GIP: variants seen among roughly 807,000 people sequenced by gnomAD.
GIP encodes the protein gastric inhibitory polypeptide.
A neutral mutation model predicts 18.1 loss-of-function variants in GIP; 16 were observed. The observed-to-expected ratio is 0.88, with a 90% confidence interval of 0.60 to 1.34. The LOEUF (loss-of-function observed/expected upper bound fraction) is 1.34, where lower values mean the gene tolerates loss of function less well. Among genes scored for constraint, GIP ranks in the 40% most tolerant of loss-of-function variants. The pLI, the probability that GIP is intolerant of heterozygous loss-of-function variation, is 0.00. For missense variants in GIP, 192 were observed against 183.4 expected, an observed-to-expected ratio of 1.05 and a Z score of -0.27; for synonymous variants, 76 against 74.0, an observed-to-expected ratio of 1.03 and a Z score of -0.14.
chr17:48,965,783 A>G (rs1396820016), intron 2 of GIP, among the ~76,000 whole-genome samples: 1 of 152,134 alleles, frequency 6.6e-6, no homozygotes, highest in African/African-American at 2.4e-5. Context: ...CCTTGAATCC[A>G]TAAAATAATT....
intron 3 of GIP, among the ~76,000 whole-genome samples, chr17:48,962,020 T>A (rs1211112986): frequency 1.3e-5 from 2 of 152,234 alleles, no homozygotes; most frequent in Non-Finnish European, 2.9e-5. Flanking sequence ...GGAAAGAGAC[T>A]TGGCATAGAG....
At chr17:48,962,887 G>A (rs927863059) in intron 3 of GIP, among the ~76,000 whole-genome samples, 2 of 148,930 alleles carry the variant, frequency 1.3e-5, no homozygotes, top group East Asian at 2.1e-4. Context: ...GGCAGATCAC[G>A]AGGTCAGGAG....
chr17:48,961,003 C>A lies in GIP; in HGVS notation c.351-16G>T. On this transcript the variant is annotated splice_polypyrimidine_tract_variant and intron_variant, in intron 4 of 5. Transcript: ENST00000357424. ...GGCTGGGGAGCTGCAAGGGAACAGTCTCTGGCTAACTATTTTAGCCTGAGC... is the reference window on the plus strand; with the variant it reads ...GGCTGGGGAGCTGCAAGGGAACAGTATCTGGCTAACTATTTTAGCCTGAGC... 6.4e-7 allele frequency: 1 copy of A among 1,568,178 alleles called. No homozygotes were observed. The highest frequency in any genetic ancestry group is 2.3e-5 in the East Asian group (1 of 44,396).
intron 3 of GIP, among the ~76,000 whole-genome samples, chr17:48,962,947 A>G (rs1050144033): frequency 6.6e-6 from 1 of 151,682 alleles, no homozygotes; most frequent in African/African-American, 2.4e-5. Flanking sequence ...TACTAAAAAA[A>G]TGCAAAAAAA....
At chr17:48,963,841 C>CAAAAAAAA (rs60257330) in intron 3 of GIP, among the ~76,000 whole-genome samples, 724 of 35,816 alleles carry the variant, frequency 0.02, 160 homozygotes, top group African/African-American at 0.056. Context: ...AACTCTGTCT[C>CAAAAAAAA]AAAAAAAAAA....
At chr17:48,966,437 TC>T (rs2041236499) in intron 2 of GIP, among the ~76,000 whole-genome samples, 1 of 150,490 alleles carries the variant, frequency 6.6e-6, no homozygotes, top group Non-Finnish European at 1.5e-5. Context: ...GCACCTGTAA[TC>T]CCAGCTACTC....
intron 4 of GIP, 45 bp downstream of exon 4, chr17:48,961,682 G>A (rs748967427): frequency 9.0e-6 from 11 of 1,219,386 alleles, no homozygotes; most frequent in Non-Finnish European, 1.3e-5. Context: ...GTGGGGGCGG[G>A]GCAGGAGGCT....
chr17:48,960,969 G>T lies in GIP; in HGVS notation c.369C>A (p.Pro123=), dbSNP rs778456670. The T allele has an allele frequency of 1.9e-6, 3 of 1,608,106 alleles. No homozygotes were observed. Among genetic ancestry groups the T allele is most frequent in the African/African-American group, 1.3e-5 (1 of 74,882 alleles). Reference sequence around the variant, plus strand: ...AGTCCCGCAGCAAATCTTCATCGCTGGGGTTCTTGGCTGGGGAGCTGCAAG... The same window carrying T: ...AGTCCCGCAGCAAATCTTCATCGCTTGGGTTCTTGGCTGGGGAGCTGCAAG... ...VEPQSSPAKN[P]SDEDLLRDLL... is the part of the protein sequence containing the mutation. The change falls in exon 5 of 6, where the codon CCC becomes CCA. Residue 123 remains proline (P), a synonymous_variant. Coordinates refer to ENST00000357424, the MANE Select transcript of GIP (RefSeq NM_004123.3).
intron 2 of GIP, among the ~76,000 whole-genome samples, chr17:48,966,114 C>G (rs142247012): frequency 5.3e-5 from 8 of 151,860 alleles, no homozygotes; most frequent in African/African-American, 1.9e-4. Context: ...AAAAGTTAGC[C>G]GGGCGTGGTG....
intron 5 of GIP, among the ~76,000 whole-genome samples, chr17:48,960,351 C>T (rs1446574194): frequency 2.6e-5 from 1 of 38,672 alleles, no homozygotes; most frequent in East Asian, 1.7e-3. Context: ...GGGCTCAGCT[C>T]GGTGGGTAGG....
At position 48,961,708 on chromosome 17, in the gene GIP, C is replaced by G; in HGVS notation, c.350+19G>C. 1.3e-6 allele frequency: 2 copies of G among 1,542,238 alleles called. No individual in the cohort carries two copies. The highest frequency in any genetic ancestry group is 1.8e-6 in the Non-Finnish European group (2 of 1,117,936). ...GCAGGAGGCTTGGCTCCCTCCCTTC[C>G]CTCTGCGCCCTGACTCACCTCTGTG... On this transcript the variant is annotated intron_variant, in intron 4 of 5. Coordinates refer to ENST00000357424, the MANE Select transcript of GIP (RefSeq NM_004123.3).
intron 2 of GIP, among the ~76,000 whole-genome samples, 196 bp from the exon 3 acceptor site, chr17:48,964,676 G>C (rs2041224612): frequency 6.6e-6 from 1 of 152,142 alleles, no homozygotes; most frequent in Non-Finnish European, 1.5e-5. Context: ...CAGCCTCAGT[G>C]TGTGTGGCTC....
chr17:48,968,246 C>G (rs546108154), intron 1 of GIP, among the ~76,000 whole-genome samples: 8 of 152,002 alleles, frequency 5.3e-5, no homozygotes, highest in Non-Finnish European at 1.2e-4. Flanking sequence ...GCATGTACCA[C>G]CATGCCCAGC....
At position 48,967,249 on chromosome 17, in the gene GIP, C is replaced by T. The variant is rs1278929743; in HGVS notation, c.-17G>A. ...GGCCACCATCTTCCAAGGTTATTTC[C>T]TGAGCTAAGACAGAAAAAAGCCAGG... On this transcript the variant is annotated 5_prime_UTR_variant, in exon 2 of 6. Transcript: ENST00000357424. 1 of 1,610,312 alleles carries T rather than the reference C, an allele frequency of 6.2e-7. No homozygotes were observed. Among genetic ancestry groups the T allele is most frequent in the East Asian group, 2.2e-5 (1 of 44,860 alleles).
chr17:48,965,994 T>C lies in GIP; in HGVS notation c.86+1153A>G, dbSNP rs979860421. Among the ~76,000 whole-genome samples the C allele has an allele frequency of 3.3e-5, 5 of 152,094 alleles. No individual in the cohort carries two copies. In the South Asian group the frequency reaches 1.0e-3, roughly 32 times the overall value. On this transcript the variant is annotated intron_variant, in intron 2 of 5. Coordinates refer to ENST00000357424, the MANE Select transcript of GIP (RefSeq NM_004123.3). ...CATGATACAGGCCAGGCGCAGTGGC[T>C]CACGCCTGTAATCCTAGCACTTTGG...
At position 48,967,262 on chromosome 17, in the gene GIP, G is replaced by GAA; in HGVS notation, c.-21-11_-21-10dup. On this transcript the variant is annotated splice_polypyrimidine_tract_variant and intron_variant, in intron 1 of 5. Transcript: ENST00000357424. ...CAAGGTTATTTCCTGAGCTAAGACAGAAAAAAGCCAGGACATGTTGAGAGA... is the reference window on the plus strand; with the variant it reads ...CAAGGTTATTTCCTGAGCTAAGACAGAAAAAAAAGCCAGGACATGTTGAGAGA... 8 of 1,592,860 alleles carry GAA rather than the reference G, an allele frequency of 5.0e-6. No individual in the cohort carries two copies. The highest frequency in any genetic ancestry group is 6.9e-6 in the Non-Finnish European group (8 of 1,161,336).
chr17:48,960,932 C>G lies in GIP; in HGVS notation c.406G>C (p.Glu136Gln). Residue 136 changes from glutamate (E) to glutamine (Q), a missense_variant, in exon 5 of 6, where the codon GAG (glutamate) becomes CAG (glutamine). Transcript: ENST00000357424. ...TGATCCAGCAAGCAGGCCAACAGCT[C>G]TTGAATCAGCAAGTCCCGCAGCAAA... ...EDLLRDLLIQ[E>Q]LLACLLDQTN... is the part of the protein sequence containing the mutation. 1 of 1,609,284 alleles carries G rather than the reference C, an allele frequency of 6.2e-7. No homozygotes were observed. The highest frequency in any genetic ancestry group is 8.5e-7 in the Non-Finnish European group (1 of 1,178,170).
rs1742168744 is a variant in GIP, at chr17:48,964,425, G to A, written c.142C>T (p.Arg48Ter). The A allele has an allele frequency of 1.4e-5, 22 of 1,613,964 alleles. No homozygotes were observed. Among genetic ancestry groups the A allele is most frequent in the Non-Finnish European group, 1.9e-5 (22 of 1,179,904 alleles). ...SHAKVSSPQP[R>*]GPRYAEGTFI... The stretch of plus-strand genomic sequence containing the variant: ...GTCCCTTCCGCGTACCTGGGGCCTC[G>A]AGGTTGAGGGCTGCTCACCTTAGCA... Residue 48 changes from arginine to a stop codon, truncating the protein, a stop_gained, in exon 3 of 6, where the codon CGA becomes TGA. Transcript: ENST00000357424. LOFTEE classifies it high-confidence loss of function.
Position 48,967,157 on chromosome 17 carries a change from C to T in GIP, c.76G>A (p.Gly26Ser), listed in dbSNP as rs770612494. 1 of 1,612,182 alleles carries T rather than the reference C, an allele frequency of 6.2e-7. No homozygotes were observed. The highest frequency in any genetic ancestry group is 8.5e-7 in the Non-Finnish European group (1 of 1,178,344). Reference protein sequence around the residue: ...LAVGLGEKKEGHFSALPSLPV... With the variant: ...LAVGLGEKKESHFSALPSLPV... ...TCTCACCACTCCTACCTGAAGTGAC[C>T]CTCTTTCTTCTCTCCTAGTCCCACT... The change falls in exon 2 of 6, where the codon GGT becomes AGT. Residue 26 changes from glycine (G) to serine (S), a missense_variant. Gly to Ser is a moderately conservative substitution (Grantham distance 56, BLOSUM62 0). Transcript: ENST00000357424.
Sources: allele counts gnomAD v4.1 joint callset (sites outside exome capture counted in the v4.1 genomes callset), GRCh38; gene constraint gnomAD v4.1.1; transcripts MANE v1.5; gene names NCBI Gene and HGNC (gene_info 2026-07-23, HGNC 2026-07-21).